CLCN6: variants seen among roughly 807,000 people sequenced by gnomAD.
CLCN6 encodes Cl-/H+ antiporter 6, also known as H(+)/Cl(-) exchange transporter 6.
CLCN6 carries 70 observed loss-of-function variants against 109.8 expected under a neutral mutation model. The ratio of observed to expected loss-of-function variants is 0.64; its 90% CI spans 0.53 to 0.78. The LOEUF is 0.78. Among genes scored for constraint, CLCN6 ranks in the 30% least tolerant of loss-of-function variants. The probability of loss-of-function intolerance (pLI) is 0.00; values close to 1 mark genes in which losing one functional copy is unlikely to be tolerated. For missense variants in CLCN6, 984 were observed against 1,142.3 expected (o/e 0.86, Z 2.00); for synonymous variants, 444 against 447.8 (o/e 0.99, Z 0.11).
intron 4 of CLCN6, among the ~76,000 whole-genome samples, chr1:11,818,444 A>G (rs1469600934): frequency 1.3e-5 from 2 of 152,220 alleles, no homozygotes; most frequent in African/African-American, 4.8e-5. Flanking sequence ...CTGAAATCCA[A>G]AACACTTCTG....
intron 4 of CLCN6, among the ~76,000 whole-genome samples, chr1:11,817,681 C>T (rs1175838300): frequency 6.6e-6 from 1 of 152,232 alleles, no homozygotes; most frequent in Non-Finnish European, 1.5e-5. Flanking sequence ...TATCTGTCCT[C>T]AGTAACAGCC....
At chr1:11,827,259 C>A (rs41275478) in intron 10 of CLCN6, 38 bp downstream of exon 10, 164,262 of 1,586,526 alleles carry the variant, frequency 0.1, 8,998 homozygotes, top group South Asian at 0.14. Flanking sequence ...AACCACACCC[C>A]CCGAATTACA....
Position 11,823,736 on chromosome 1 carries a change from G to A in CLCN6, c.483G>A (p.Glu161=). ...EPVAAGSGIP[E]VKCYLNGVKV... is the part of the protein sequence containing the mutation. ...TGGCAGCAGGTTCCGGGATACCCGA[G>A]GTCAAATGCTATCTGAATGGCGTAA... Residue 161 remains glutamate (E), a synonymous_variant, in exon 7 of 23, where the codon GAG becomes GAA. Transcript: ENST00000346436. 1.9e-6 allele frequency: 3 copies of A among 1,614,250 alleles called. No homozygotes were observed. Among genetic ancestry groups the A allele is most frequent in the Admixed American group, 1.7e-5 (1 of 60,036 alleles).
chr1:11,828,766 C>A, intron 12 of CLCN6, 142 bp downstream of exon 12: 1 of 930,720 alleles, frequency 1.1e-6, no homozygotes, highest in Non-Finnish European at 1.6e-6. Flanking sequence ...CACGGCCATG[C>A]ATCTTCCCTA....
chr1:11,819,436 T>C lies in CLCN6; in HGVS notation c.280-52T>C, dbSNP rs1644713520. 8 of 1,518,518 alleles carry C rather than the reference T, an allele frequency of 5.3e-6. No individual in the cohort carries two copies. In the South Asian group the frequency reaches 9.0e-5, roughly 17 times the overall value. 94.1% of individuals were successfully genotyped at this position (1,518,518 alleles called of 1,614,324 possible). On this transcript the variant is annotated intron_variant, in intron 4 of 22. Transcript: ENST00000346436. The stretch of plus-strand genomic sequence containing the variant: ...CAAGAGGAGCACACCTGTACTATAC[T>C]TGTGCTACACTTGGAAATAAGGCTG...
rs996859560 is a variant in CLCN6, at chr1:11,823,895, A to T, written c.580+62A>T. ...AAGGGCAGAGACGACAAGAAGCATGATGTATTTCAGTTATTAGATTTGGAC... is the reference window on the plus strand; with the variant it reads ...AAGGGCAGAGACGACAAGAAGCATGTTGTATTTCAGTTATTAGATTTGGAC... On this transcript the variant is annotated intron_variant, in intron 7 of 22. Transcript: ENST00000346436. 5.0e-6 allele frequency: 8 copies of T among 1,599,206 alleles called. No homozygotes were observed. The African/African-American group carries it at 1.1e-4, about 21-fold the overall frequency.
intron 4 of CLCN6, among the ~76,000 whole-genome samples, chr1:11,818,116 T>A (rs1644697723): frequency 1.3e-5 from 2 of 151,722 alleles, no homozygotes; most frequent in South Asian, 2.1e-4. Context: ...AAAAAAAAAT[T>A]AAAAAAAAGA....
chr1:11,809,357 A>G (rs1644566575), intron 2 of CLCN6, among the ~76,000 whole-genome samples: 1 of 152,116 alleles, frequency 6.6e-6, no homozygotes, highest in Non-Finnish European at 1.5e-5. Flanking sequence ...AGGCTTCCCC[A>G]TTGACACCCA....
chr1:11,824,094 G>A (rs1042732900), intron 7 of CLCN6, among the ~76,000 whole-genome samples: 65 of 152,222 alleles, frequency 4.3e-4, no homozygotes, highest in Non-Finnish European at 8.8e-5. Flanking sequence ...CAAGCTTTTT[G>A]TGTCAACAGC....
intron 12 of CLCN6, 44 bp downstream of exon 12, chr1:11,828,668 T>G: frequency 6.4e-7 from 1 of 1,556,422 alleles, no homozygotes; most frequent in Non-Finnish European, 8.7e-7. Context: ...TGCGGCTCCC[T>G]GAGCTTGGTG....
chr1:11,836,120 C>T lies in CLCN6; in HGVS notation c.1947C>T (p.Gly649=), dbSNP rs1341830649. The T allele has an allele frequency of 1.2e-6, 2 of 1,613,338 alleles. No individual in the cohort carries two copies. The highest frequency in any genetic ancestry group is 4.5e-5 in the East Asian group (2 of 44,876). ...GTAACGAGAAGGAGTTCATGAAGGG[C>T]AACCAGCTCATCAGCAACAACATCA... The part of the protein sequence containing the change: ...NRGNEKEFMK[G]NQLISNNIKF... The change falls in exon 18 of 23, where the codon GGC becomes GGT. Residue 649 remains glycine, a synonymous_variant. Coordinates refer to ENST00000346436, the MANE Select transcript of CLCN6 (RefSeq NM_001286.5).
intron 4 of CLCN6, among the ~76,000 whole-genome samples, chr1:11,817,820 G>A (rs975500166): frequency 2.0e-5 from 3 of 152,118 alleles, no homozygotes; most frequent in Non-Finnish European, 4.4e-5. Flanking sequence ...TATTTTCATG[G>A]CATGCATCAA....
intron 4 of CLCN6, 50 bp from the exon 5 acceptor site, chr1:11,819,438 G>T (rs751204432): frequency 1.9e-6 from 3 of 1,541,656 alleles, no homozygotes; most frequent in African/African-American, 2.7e-5. Flanking sequence ...TACTATACTT[G>T]TGCTACACTT....
intron 5 of CLCN6, among the ~76,000 whole-genome samples, chr1:11,821,960 A>G (rs1342905894): frequency 5.9e-5 from 9 of 152,242 alleles, no homozygotes; most frequent in Non-Finnish European, 2.9e-5. Flanking sequence ...TAATGTTGAG[A>G]AAAAAAGAGC....
intron 20 of CLCN6, among the ~76,000 whole-genome samples, chr1:11,837,961 C>A (rs567340096): frequency 1.2e-3 from 188 of 152,328 alleles, no homozygotes; most frequent in African/African-American, 4.4e-3. Flanking sequence ...ACCTTGTTTC[C>A]AGAAAGGTCG....
rs1423762940 is a variant in CLCN6, at chr1:11,806,249, A to G, written c.-14A>G. On this transcript the variant is annotated 5_prime_UTR_variant, in exon 1 of 23. Coordinates refer to ENST00000346436, the MANE Select transcript of CLCN6 (RefSeq NM_001286.5). The stretch of plus-strand genomic sequence containing the variant: ...GGTTGGTAGAGGGGTCCAGAGTGGC[A>G]GTAAAGGAGGAAGATGGCGGGGTGC... The G allele has an allele frequency of 2.1e-6, 3 of 1,453,022 alleles. No homozygotes were observed. The highest frequency in any genetic ancestry group is 2.7e-6 in the Non-Finnish European group (3 of 1,105,026). The allele number at this position is 1,453,022 out of a possible 1,614,324, so 90.0% of individuals were successfully genotyped here.
intron 13 of CLCN6, 54 bp downstream of exon 13, chr1:11,829,376 A>G: frequency 1.9e-6 from 3 of 1,604,036 alleles, no homozygotes; most frequent in Non-Finnish European, 2.6e-6. Flanking sequence ...AGAATCCAGA[A>G]ATGTATGACC....
chr1:11,810,836 C>T (rs1644589316), intron 2 of CLCN6, among the ~76,000 whole-genome samples: 1 of 152,024 alleles, frequency 6.6e-6, no homozygotes, highest in Non-Finnish European at 1.5e-5. Flanking sequence ...GAGGCCAAGG[C>T]AGGAGGATCG....
intron 1 of CLCN6, 28 bp downstream of exon 1, chr1:11,806,377 GA>G: frequency 6.7e-7 from 1 of 1,490,572 alleles, no homozygotes; most frequent in Non-Finnish European, 8.8e-7. Flanking sequence ...TCGGCCTGGG[GA>G]GGGGGCGGTT....
Sources: allele counts gnomAD v4.1 joint callset (sites outside exome capture counted in the v4.1 genomes callset), GRCh38; gene constraint gnomAD v4.1.1; transcripts MANE v1.5; gene names NCBI Gene and HGNC (gene_info 2026-07-23, HGNC 2026-07-21).